Variants in EFCAB7 observed in about 807,000 individuals in gnomAD.
EFCAB7 encodes the protein EF-hand calcium binding domain 7.
EFCAB7 carries 66 observed loss-of-function variants against 77.1 expected under a neutral mutation model. That is an observed-to-expected ratio of 0.86 (90% CI 0.70 to 1.05). The LOEUF (loss-of-function observed/expected upper bound fraction) is 1.05. EFCAB7 is among the 50% of genes least tolerant of loss of function. EFCAB7 has a pLI of 0.00. For synonymous variants in EFCAB7, 225 were observed against 243.3 expected, an observed-to-expected ratio of 0.92 and a Z score of 0.70; for missense variants, 638 against 730.5, an observed-to-expected ratio of 0.87 and a Z score of 1.46.
chr1:63,560,920 A>G (rs1486138484), intron 10 of EFCAB7, among the ~76,000 whole-genome samples: 1 of 152,236 alleles, frequency 6.6e-6, no homozygotes, highest in Non-Finnish European at 1.5e-5. Flanking sequence ...TGCCATCTCA[A>G]ATAAGACTAC....
At chr1:63,569,178 C>T (rs1416353624) in intron 12 of EFCAB7, 2 of 152,096 alleles carry the variant, frequency 1.3e-5, no homozygotes, top group African/African-American at 2.4e-5. Context: ...TTAGGTCCTA[C>T]GTGAGACATA....
intron 9 of EFCAB7, among the ~76,000 whole-genome samples, chr1:63,556,198 GTGA>G (rs558391130): frequency 1.4e-4 from 22 of 152,146 alleles, no homozygotes; most frequent in African/African-American, 5.1e-4. Context: ...TGACAATATG[GTGA>G]TTATAGTTAT....
chr1:63,579,240 C>T, the EFCAB7 span, among the ~76,000 whole-genome samples: 4 of 152,186 alleles, frequency 2.6e-5, no homozygotes, highest in African/African-American at 9.7e-5. Context: ...TGTGCATACT[C>T]CTATCCCCTG....
rs573713478 is a variant in EFCAB7 at position 63,567,216 on chromosome 1, G to A, written c.1498-1094G>A. ...GCCTGTAATCCCAGCACTTTGGGAGGCCAAGGCAGGTAGATCACCTGAGTT... is the reference window on the plus strand; with the variant it reads ...GCCTGTAATCCCAGCACTTTGGGAGACCAAGGCAGGTAGATCACCTGAGTT... On this transcript the variant is annotated intron_variant, in intron 11 of 13. Transcript: ENST00000371088. 2.7e-4 allele frequency among the ~76,000 whole-genome samples: 41 copies of A among 152,284 alleles called. No homozygotes were observed. The South Asian group carries it at 8.1e-3, about 30-fold the overall frequency.
intron 6 of EFCAB7, among the ~76,000 whole-genome samples, 181 bp from the exon 7 acceptor site, chr1:63,545,735 C>A (rs1416198247): frequency 6.6e-6 from 1 of 152,160 alleles, no homozygotes; most frequent in Non-Finnish European, 1.5e-5. Context: ...GCCACCATGC[C>A]CTGTGTATAA....
At chr1:63,545,558 C>T (rs1317726133) in intron 6 of EFCAB7, among the ~76,000 whole-genome samples, 2 of 152,160 alleles carry the variant, frequency 1.3e-5, no homozygotes, top group Non-Finnish European at 2.9e-5. Context: ...CCTCTGCCTC[C>T]CAGGTTCACG....
At chr1:63,563,935 G>A (rs217474) in intron 11 of EFCAB7, among the ~76,000 whole-genome samples, 91,941 of 151,932 alleles carry the variant, frequency 0.61, 29,550 homozygotes, top group African/African-American at 0.82. Context: ...TTTGAGAAGT[G>A]AAACTTACAT....
rs9436688 is a variant in EFCAB7 at position 63,556,831 on chromosome 1, G to C, written c.1215-283G>C. 9.8e-3 allele frequency among the ~76,000 whole-genome samples: 1,473 copies of C among 150,116 alleles called. 25 individuals are homozygous for C. Among genetic ancestry groups the C allele is most frequent in the African/African-American group, 0.033 (1,350 of 40,804 alleles). On this transcript the variant is annotated intron_variant, in intron 9 of 13. Transcript: ENST00000371088. ...AGGTCAGGAGATCAAGACCATCCTG[G>C]CTAAAATTTTTAGTAGAGAAACCCC...
intron 5 of EFCAB7, 116 bp from the exon 6 acceptor site, chr1:63,533,979 G>T: frequency 8.8e-7 from 1 of 1,139,880 alleles, no homozygotes; most frequent in Non-Finnish European, 1.2e-6. Flanking sequence ...TTTCAATAGG[G>T]AGAACAAAGA....
At chr1:63,544,246 A>C (rs1646867716) in intron 6 of EFCAB7, among the ~76,000 whole-genome samples, 1 of 152,086 alleles carries the variant, frequency 6.6e-6, no homozygotes, top group Non-Finnish European at 1.5e-5. Context: ...TTGGGGTTAC[A>C]GGTGTGAGCC....
At chr1:63,552,595 C>A (rs1646979329) in intron 8 of EFCAB7, among the ~76,000 whole-genome samples, 1 of 152,108 alleles carries the variant, frequency 6.6e-6, no homozygotes, top group Non-Finnish European at 1.5e-5. Flanking sequence ...TGGGGTTGTT[C>A]TGATCTTTTC....
At chr1:63,556,999 C>A in intron 9 of EFCAB7, 115 bp from the exon 10 acceptor site, 1 of 808,690 alleles carries the variant, frequency 1.2e-6, no homozygotes, top group Non-Finnish European at 1.8e-6. Flanking sequence ...GATCACGCCA[C>A]TGCACTCCAG....
intron 12 of EFCAB7, chr1:63,569,458 G>A (rs542275259): frequency 1.3e-5 from 2 of 152,272 alleles, no homozygotes; most frequent in East Asian, 3.9e-4. Context: ...TGTAGTTGTT[G>A]TTAATTTGGA....
chr1:63,565,767 G>A (rs1176046570), intron 11 of EFCAB7, among the ~76,000 whole-genome samples: 6 of 152,062 alleles, frequency 3.9e-5, no homozygotes, highest in Non-Finnish European at 7.4e-5. Context: ...AAAAAAGTTC[G>A]ACATCACTGA....
chr1:63,582,037 CCTG>C, the EFCAB7 span, among the ~76,000 whole-genome samples: 4 of 152,220 alleles, frequency 2.6e-5, no homozygotes, highest in Non-Finnish European at 5.9e-5. Context: ...ATAGCTACCT[CCTG>C]CTGCTATTGC....
At chr1:63,582,543 A>G in the EFCAB7 span, among the ~76,000 whole-genome samples, 2 of 152,220 alleles carry the variant, frequency 1.3e-5, no homozygotes, top group African/African-American at 4.8e-5. Context: ...GCTATAAGGA[A>G]GTCATACCTG....
At chr1:63,529,351 A>G (rs373382339) in intron 2 of EFCAB7, among the ~76,000 whole-genome samples, 42 of 152,302 alleles carry the variant, frequency 2.8e-4, no homozygotes, top group African/African-American at 9.9e-4. Context: ...GATTTTTAAT[A>G]TGTTATAACC....
At chr1:63,572,921 G>A (rs1256930604), downstream of EFCAB7, among the ~76,000 whole-genome samples, 2 of 152,002 alleles carry the variant, frequency 1.3e-5, no homozygotes, top group Admixed American at 6.6e-5. Flanking sequence ...CTCAGTGGGG[G>A]AGCTTTTGAG....
chr1:63,540,771 C>T (rs1030918160), intron 6 of EFCAB7, among the ~76,000 whole-genome samples: 2 of 152,070 alleles, frequency 1.3e-5, no homozygotes, highest in African/African-American at 4.8e-5. Flanking sequence ...ATCTTGTATA[C>T]CCCAAAGGTG....
Sources: gnomAD v4.1 joint callset for allele counts (sites outside exome capture counted in the v4.1 genomes callset) on GRCh38, gnomAD v4.1.1 for gene constraint, MANE v1.5 for transcripts, NCBI Gene and HGNC (gene_info 2026-07-23, HGNC 2026-07-21) for gene names.